The following PSD3 variants were observed in gnomAD, a reference collection of about 807,000 sequenced individuals.
PSD3 encodes pleckstrin and Sec7 domain containing 3.
Under a neutral mutation model 105.5 loss-of-function variants are expected in PSD3, and 49 were observed. The ratio of observed to expected loss-of-function variants is 0.46; its 90% CI spans 0.37 to 0.59. The LOEUF (loss-of-function observed/expected upper bound fraction) is 0.59, where lower values mean the gene tolerates loss of function less well. Ranked by LOEUF, PSD3 falls within the 20% of genes least tolerant of loss-of-function variation. The probability of loss-of-function intolerance (pLI) is 0.00; values close to 1 mark genes in which losing one functional copy is unlikely to be tolerated. For synonymous variants in PSD3, 557 were observed against 457.8 expected, an observed-to-expected ratio of 1.22 and a Z score of -2.77; for missense variants, 1,561 against 1,263.8, an observed-to-expected ratio of 1.24 and a Z score of -3.57.
chr8:18,867,054 A>G (rs1313891166), intron 4 of PSD3, among the ~76,000 whole-genome samples: 1 of 152,168 alleles, frequency 6.6e-6, no homozygotes, highest in Non-Finnish European at 1.5e-5. Context: ...AATGTACATA[A>G]TTTGTCATTT....
At chr8:18,809,111 G>C (rs1371825133) in intron 4 of PSD3, among the ~76,000 whole-genome samples, 1 of 152,252 alleles carries the variant, frequency 6.6e-6, no homozygotes, top group Non-Finnish European at 1.5e-5. Flanking sequence ...ACCCCATTTT[G>C]TTTTCTTGAA....
rs372981089 is a variant in PSD3, at chr8:18,934,514, C to G, written c.130+1520G>C. 1.1e-3 allele frequency among the ~76,000 whole-genome samples: 170 copies of G among 152,182 alleles called. 1 individual carries two copies. The highest frequency in any genetic ancestry group is 3.9e-3 in the African/African-American group (163 of 41,540). On this transcript the variant is annotated intron_variant, in intron 2 of 15. Coordinates refer to ENST00000327040, the MANE Select transcript of PSD3 (RefSeq NM_015310.4). ...CAAGCTCTGCCTCTCGGGTTCATGCCATTCTCCTGCCTCAGCCTCCCGAGT... is the reference window on the plus strand; with the variant it reads ...CAAGCTCTGCCTCTCGGGTTCATGCGATTCTCCTGCCTCAGCCTCCCGAGT...
At chr8:18,642,908 A>G (rs2130804966) in intron 10 of PSD3, among the ~76,000 whole-genome samples, 1 of 152,290 alleles carries the variant, frequency 6.6e-6, no homozygotes, top group South Asian at 2.1e-4. Context: ...TTTCCTATAC[A>G]CCTGAGTTCA....
At chr8:18,875,220 C>A (rs1817651288) in intron 2 of PSD3, among the ~76,000 whole-genome samples, 1 of 152,032 alleles carries the variant, frequency 6.6e-6, no homozygotes. Flanking sequence ...GAAATATATT[C>A]TTAAAATTAA....
At chr8:18,753,303 G>A (rs1473664506) in intron 9 of PSD3, among the ~76,000 whole-genome samples, 8 of 151,420 alleles carry the variant, frequency 5.3e-5, no homozygotes, top group East Asian at 1.9e-4. Context: ...GCAGTGAGCC[G>A]AGATCATGCC....
intron 9 of PSD3, among the ~76,000 whole-genome samples, chr8:18,713,253 G>C (rs59938053): frequency 0.018 from 2,803 of 152,104 alleles, 185 homozygotes; most frequent in East Asian, 0.17. Context: ...TTCACCACTC[G>C]TATTCAACAC....
intron 11 of PSD3, among the ~76,000 whole-genome samples, chr8:18,623,756 T>C (rs1046095250): frequency 3.9e-5 from 6 of 152,150 alleles, no homozygotes; most frequent in African/African-American, 1.2e-4. Flanking sequence ...ATTATCAATA[T>C]AGTGAAACCA....
intron 15 of PSD3, among the ~76,000 whole-genome samples, chr8:18,546,277 G>T (rs1171427094): frequency 6.6e-6 from 1 of 152,186 alleles, no homozygotes; most frequent in Non-Finnish European, 1.5e-5. Flanking sequence ...GATTACAGGC[G>T]TGAGCCACCG....
At chr8:18,838,817 T>A (rs571304023) in intron 4 of PSD3, among the ~76,000 whole-genome samples, 20 of 134,568 alleles carry the variant, frequency 1.5e-4, no homozygotes, top group Middle Eastern at 4.0e-3. Flanking sequence ...ATAATAATAA[T>A]AATAATAATA....
At chr8:18,718,053 T>C (rs1802712717) in intron 9 of PSD3, among the ~76,000 whole-genome samples, 1 of 152,178 alleles carries the variant, frequency 6.6e-6, no homozygotes, top group Non-Finnish European at 1.5e-5. Flanking sequence ...TAACAGTCTT[T>C]CTTCAAGCAC....
intron 1 of PSD3, among the ~76,000 whole-genome samples, chr8:18,946,971 A>G (rs1465313364): frequency 1.3e-5 from 2 of 150,814 alleles, no homozygotes; most frequent in Middle Eastern, 3.2e-3. Flanking sequence ...ATAATAAAAT[A>G]TAAATATATA....
chr8:18,684,648 C>T (rs746842995), intron 9 of PSD3, among the ~76,000 whole-genome samples: 2 of 152,140 alleles, frequency 1.3e-5, no homozygotes, highest in Admixed American at 6.5e-5. Flanking sequence ...CCTTAGACTA[C>T]GACAGCCAGA....
rs71218924 is a variant in PSD3 at position 19,074,952 on chromosome 8, A to ATT, written c.324+9252_324+9253dup. On this transcript the variant is annotated intron_variant, in intron 1 of 1. Transcript: ENST00000521475. Reference sequence around the variant, plus strand: ...GAAATACTTTTGAAAATTAATTACTATTTTTTTTTTTGAGATGGAGTCTTG... The same window carrying ATT: ...GAAATACTTTTGAAAATTAATTACTATTTTTTTTTTTTTGAGATGGAGTCTTG... Among the ~76,000 whole-genome samples the ATT allele has an allele frequency of 4.4e-4, 61 of 138,588 alleles. No individual in the cohort carries two copies. In the South Asian group the frequency reaches 5.2e-3, roughly 12 times the overall value. The allele number at this position is 138,588 out of a possible 152,430, so 90.9% of individuals were successfully genotyped here.
chr8:18,828,036 AATATATATATGTAT>A (rs1478094575), intron 4 of PSD3, among the ~76,000 whole-genome samples: 3 of 134,884 alleles, frequency 2.2e-5, no homozygotes, highest in African/African-American at 8.6e-5. Flanking sequence ...ACATATATAT[AATATATATATGTAT>A]ATATATATAT....
chr8:18,594,735 A>G (rs1008160185), intron 12 of PSD3, among the ~76,000 whole-genome samples: 16 of 151,916 alleles, frequency 1.1e-4, no homozygotes, highest in Non-Finnish European at 2.4e-4. Context: ...GTATTTGCAT[A>G]TATCATATGT....
intron 2 of PSD3, among the ~76,000 whole-genome samples, chr8:18,919,273 G>C (rs956964385): frequency 6.6e-6 from 1 of 151,954 alleles, no homozygotes; most frequent in Admixed American, 6.5e-5. Context: ...AAGGAGTTTC[G>C]TATCTCTGCT....
intron 2 of PSD3, among the ~76,000 whole-genome samples, chr8:18,913,099 AC>A (rs1820354674): frequency 2.0e-5 from 3 of 150,710 alleles, no homozygotes; most frequent in Non-Finnish European, 3.0e-5. Flanking sequence ...ACACACACAC[AC>A]ACACACACAC....
At chr8:18,986,879 C>G (rs1161335034) in intron 1 of PSD3, among the ~76,000 whole-genome samples, 5 of 152,144 alleles carry the variant, frequency 3.3e-5, no homozygotes, top group Non-Finnish European at 7.3e-5. Context: ...AATCAACTCA[C>G]TTTTCTGGAC....
At chr8:18,663,803 C>T (rs979254460) in intron 9 of PSD3, among the ~76,000 whole-genome samples, 3 of 152,166 alleles carry the variant, frequency 2.0e-5, no homozygotes, top group South Asian at 2.1e-4. Flanking sequence ...TTCACGTATA[C>T]GATAATGCTT....
Sources: gnomAD v4.1 joint callset for allele counts (sites outside exome capture counted in the v4.1 genomes callset) on GRCh38, gnomAD v4.1.1 for gene constraint, MANE v1.5 for transcripts, NCBI Gene and HGNC (gene_info 2026-07-23, HGNC 2026-07-21) for gene names.